PCDHA4: variants seen among roughly 807,000 people sequenced by gnomAD.
PCDHA4 encodes protocadherin alpha 4.
A neutral mutation model predicts 61.4 loss-of-function variants in PCDHA4; 49 were observed. The observed-to-expected ratio is 0.80, with a 90% CI of 0.63 to 1.01. The LOEUF is 1.01. PCDHA4 is among the 50% of genes least tolerant of loss of function. The pLI is 0.00. For missense variants in PCDHA4, 1,254 were observed against 1,235.8 expected (o/e 1.01, Z -0.22); for synonymous variants, 590 against 550.3 (o/e 1.07, Z -1.01).
chr5:140,857,377 G>C (rs1347476888), intron 1 of PCDHA4: 3 of 1,598,472 alleles, frequency 1.9e-6, no homozygotes, highest in Non-Finnish European at 1.7e-6. Flanking sequence ...TGTCTGTGGA[G>C]GTGGCCGACG....
chr5:140,865,392 A>G (rs1554159412), intron 1 of PCDHA4: 1 of 152,244 alleles, frequency 6.6e-6, no homozygotes, highest in Non-Finnish European at 1.5e-5. Context: ...TAAAGTTAAT[A>G]TAAATGCTGA....
At chr5:140,835,591 A>T (rs2150238905) in intron 1 of PCDHA4, 2 of 1,613,686 alleles carry the variant, frequency 1.2e-6, no homozygotes, top group African/African-American at 2.7e-5. Flanking sequence ...ACCTTCAAGA[A>T]TTACTATTCA....
intron 1 of PCDHA4, chr5:140,875,470 G>T: frequency 6.2e-7 from 1 of 1,605,786 alleles, no homozygotes; most frequent in Non-Finnish European, 8.5e-7. Context: ...CTCATTTTCT[G>T]CAATGGTGAT....
chr5:140,930,702 A>T (rs1359159980), intron 1 of PCDHA4, among the ~76,000 whole-genome samples: 1 of 152,234 alleles, frequency 6.6e-6, no homozygotes, highest in African/African-American at 2.4e-5. Context: ...CTTGTAAGTT[A>T]TTCTTCCTCA....
intron 1 of PCDHA4, chr5:140,883,883 G>A (rs1554180418): frequency 1.2e-6 from 2 of 1,613,320 alleles, no homozygotes; most frequent in South Asian, 1.1e-5. Flanking sequence ...GAGCGCGCGC[G>A]ACTCTGGCGT....
At chr5:140,836,090 G>C in intron 1 of PCDHA4, 4 of 1,613,720 alleles carry the variant, frequency 2.5e-6, no homozygotes, top group Non-Finnish European at 3.4e-6. Context: ...TGGCGCCTCG[G>C]GTGGGTGGCA....
intron 1 of PCDHA4, among the ~76,000 whole-genome samples, chr5:140,951,227 G>A (rs181202222): frequency 1.3e-5 from 2 of 152,044 alleles, no homozygotes; most frequent in African/African-American, 2.4e-5. Flanking sequence ...ATTCTTGATG[G>A]TCTTTACCTT....
chr5:140,947,668 T>A (rs2094160892), intron 1 of PCDHA4, among the ~76,000 whole-genome samples: 1 of 151,602 alleles, frequency 6.6e-6, no homozygotes, highest in Admixed American at 6.6e-5. Flanking sequence ...TACTTGGGTC[T>A]TTAAAAAATT....
At chr5:140,883,225 C>T in intron 1 of PCDHA4, 1 of 1,613,914 alleles carries the variant, frequency 6.2e-7, no homozygotes, top group East Asian at 2.2e-5. Context: ...ATGAAATATC[C>T]GTGGAGGCAG....
At position 140,992,594 on chromosome 5, in the gene PCDHA4, G is replaced by T. The variant is rs782416770; in HGVS notation, c.2533+10031G>T. On this transcript the variant is annotated intron_variant, in intron 3 of 3. Coordinates refer to ENST00000530339, the MANE Select transcript of PCDHA4 (RefSeq NM_018907.4). ...ATTGCCTGCCTTGTATGCATCTAGC[G>T]TCTGTGTCTAAGTGAAAGCAGATTA... Among the ~76,000 whole-genome samples, 5 of 152,266 alleles carry T rather than the reference G, an allele frequency of 3.3e-5. No individual in the cohort carries two copies. The East Asian group carries it at 7.7e-4, about 24-fold the overall frequency.
At chr5:140,964,954 G>A (rs140288048) in intron 1 of PCDHA4, among the ~76,000 whole-genome samples, 6 of 152,316 alleles carry the variant, frequency 3.9e-5, no homozygotes, top group Non-Finnish European at 7.4e-5. Flanking sequence ...AGTGTGCTTG[G>A]TTGGTGGAAC....
At chr5:140,836,278 G>T (rs1774328850) in intron 1 of PCDHA4, 3 of 1,613,796 alleles carry the variant, frequency 1.9e-6, no homozygotes, top group Middle Eastern at 1.6e-4. Context: ...GGTGAGATCA[G>T]CACGACACGA....
rs2096720992 is a variant in PCDHA4 at position 140,976,533 on chromosome 5, A to G, written c.2386-2416A>G. 2.0e-5 allele frequency among the ~76,000 whole-genome samples: 3 copies of G among 152,170 alleles called. No homozygotes were observed. In the South Asian group the frequency reaches 6.2e-4, roughly 32 times the overall value. Reference sequence around the variant, plus strand: ...GCCACTGCACACCAGCCTAAATGACAGAGTAAGACCCTATCTCATAAATAA... The same window carrying G: ...GCCACTGCACACCAGCCTAAATGACGGAGTAAGACCCTATCTCATAAATAA... On this transcript the variant is annotated intron_variant, in intron 1 of 3. Coordinates refer to ENST00000530339, the MANE Select transcript of PCDHA4 (RefSeq NM_018907.4).
chr5:140,853,707 C>A, intron 1 of PCDHA4: 2 of 988,182 alleles, frequency 2.0e-6, no homozygotes, highest in Non-Finnish European at 2.4e-6. Context: ...AACGCATTAG[C>A]ATTAGCAGCA....
At chr5:140,913,657 G>A (rs1554196018) in intron 1 of PCDHA4, among the ~76,000 whole-genome samples, 1 of 152,170 alleles carries the variant, frequency 6.6e-6, no homozygotes, top group Non-Finnish European at 1.5e-5. Context: ...TCTTTAAGAT[G>A]TATAGTTAGG....
intron 1 of PCDHA4, among the ~76,000 whole-genome samples, chr5:140,880,655 G>A (rs782616371): frequency 6.6e-6 from 1 of 152,186 alleles, no homozygotes; most frequent in African/African-American, 2.4e-5. Context: ...CCCAACTGAG[G>A]TAAAGGTGAG....
intron 1 of PCDHA4, among the ~76,000 whole-genome samples, chr5:140,890,175 A>G (rs1488442027): frequency 6.6e-6 from 1 of 152,158 alleles, no homozygotes; most frequent in Non-Finnish European, 1.5e-5. Context: ...GAAATAGGCA[A>G]ATGCTACAAA....
At chr5:140,836,397 A>G (rs1554135905) in intron 1 of PCDHA4, 6 of 1,613,640 alleles carry the variant, frequency 3.7e-6, no homozygotes, top group Non-Finnish European at 5.1e-6. Flanking sequence ...GCTGGTGGAA[A>G]GCGGCCAGGC....
intron 1 of PCDHA4, chr5:140,884,153 G>T: frequency 6.2e-7 from 1 of 1,613,470 alleles, no homozygotes; most frequent in Non-Finnish European, 8.5e-7. Flanking sequence ...GCTGTACACT[G>T]GCGAGATCAG....
Sources: allele counts gnomAD v4.1 joint callset (sites outside exome capture counted in the v4.1 genomes callset), GRCh38; gene constraint gnomAD v4.1.1; transcripts MANE v1.5; gene names NCBI Gene and HGNC (gene_info 2026-07-23, HGNC 2026-07-21).